The following LGALS8 variants were observed in gnomAD, a reference collection of about 807,000 sequenced individuals.
LGALS8 encodes galectin-8.
In LGALS8, 30 loss-of-function variants were observed where a neutral mutation model predicts 35.9. The observed-to-expected ratio is 0.83, with a 90% CI of 0.62 to 1.13. The LOEUF (loss-of-function observed/expected upper bound fraction) is 1.13, where lower values mean the gene tolerates loss of function less well. LGALS8 is among the 50% of genes most tolerant of loss of function. The pLI is 0.00. For synonymous variants in LGALS8, 138 were observed against 136.1 expected, an observed-to-expected ratio of 1.01 and a Z score of -0.10; for missense variants, 366 against 388.7, an observed-to-expected ratio of 0.94 and a Z score of 0.49.
At chr1:236,524,570 G>T in intron 1 of LGALS8, 1 of 380,480 alleles carries the variant, frequency 2.6e-6, no homozygotes, top group Non-Finnish European at 5.4e-6. Flanking sequence ...ATTGCAAAGC[G>T]CAAGTCATGT....
At position 236,550,845 on chromosome 1, in the gene LGALS8, A is replaced by C. The variant is rs1662696876; in HGVS notation, c.*2684A>C. 2 of 1,373,798 alleles carry C rather than the reference A, an allele frequency of 1.5e-6. No homozygotes were observed. The highest frequency in any genetic ancestry group is 4.7e-5 in the East Asian group (2 of 42,782). 85.1% of individuals were successfully genotyped at this position (1,373,798 alleles called of 1,614,324 possible). ...AACATGGCACCCAACACCCAAAAAT[A>C]AAAATATGAAATATGAGTGTGAACT... On this transcript the variant is annotated 3_prime_UTR_variant, in exon 10 of 10. Coordinates refer to ENST00000366584, the MANE Select transcript of LGALS8 (RefSeq NM_201544.4).
At chr1:236,544,604 C>T (rs867471214) in intron 8 of LGALS8, 146 bp from the exon 9 acceptor site, 1 of 506,702 alleles carries the variant, frequency 2.0e-6, no homozygotes, top group Non-Finnish European at 3.3e-6. Context: ...ATTTCAACTT[C>T]ACCTGCATTC....
chr1:236,532,810 C>T (rs1661223734), intron 2 of LGALS8, among the ~76,000 whole-genome samples: 1 of 152,156 alleles, frequency 6.6e-6, no homozygotes, highest in Non-Finnish European at 1.5e-5. Context: ...CGCCATTGCA[C>T]TCCAGCCTGG....
At chr1:236,534,040 C>T (rs1441817342) in intron 2 of LGALS8, among the ~76,000 whole-genome samples, 1 of 151,464 alleles carries the variant, frequency 6.6e-6, no homozygotes, top group East Asian at 1.9e-4. Context: ...CGGCTGCCCC[C>T]TTGCCAGAGT....
chr1:236,523,806 C>A (rs1431298792), upstream of LGALS8: 4 of 349,388 alleles, frequency 1.1e-5, no homozygotes, highest in East Asian at 3.1e-4. Flanking sequence ...TGCAGGAGGC[C>A]GAGCTGGGTG....
intron 2 of LGALS8, among the ~76,000 whole-genome samples, chr1:236,530,517 A>AT (rs949521882): frequency 3.3e-5 from 5 of 151,644 alleles, no homozygotes; most frequent in South Asian, 2.1e-4. Flanking sequence ...TCACTCATAG[A>AT]TTTTTTTTTC....
At chr1:236,546,223 AG>A in intron 9 of LGALS8, among the ~76,000 whole-genome samples, 1 of 152,386 alleles carries the variant, frequency 6.6e-6, no homozygotes, top group South Asian at 2.1e-4. Context: ...GGCTGGCTGA[AG>A]GAATGAATAG....
At chr1:236,523,965 C>G (rs532094345), upstream of LGALS8, 1 of 379,832 alleles carries the variant, frequency 2.6e-6, no homozygotes, top group East Asian at 7.3e-5. Context: ...TGTCGCTTCC[C>G]GTAGCCGCCC....
chr1:236,529,954 C>T (rs1390551541), intron 2 of LGALS8, among the ~76,000 whole-genome samples: 1 of 152,196 alleles, frequency 6.6e-6, no homozygotes, highest in Non-Finnish European at 1.5e-5. Flanking sequence ...TGGCTGGCCA[C>T]TTACTTTTCT....
chr1:236,529,581 C>CAA (rs767790332), intron 2 of LGALS8, among the ~76,000 whole-genome samples: 3 of 89,550 alleles, frequency 3.4e-5, no homozygotes, highest in Non-Finnish European at 6.6e-5. Flanking sequence ...TACTTCATCT[C>CAA]AAAAAAAAAA....
At chr1:236,529,492 G>A (rs899462936) in intron 2 of LGALS8, among the ~76,000 whole-genome samples, 8 of 150,342 alleles carry the variant, frequency 5.3e-5, no homozygotes, top group East Asian at 2.0e-4. Flanking sequence ...TGAGGCAGGA[G>A]AATCACTTGA....
chr1:236,539,689 G>A (rs1661833320), intron 4 of LGALS8, among the ~76,000 whole-genome samples: 1 of 152,228 alleles, frequency 6.6e-6, no homozygotes, highest in African/African-American at 2.4e-5. Flanking sequence ...CAACGCGAGA[G>A]AAGACTCGAA....
At chr1:236,537,085 C>G (rs374615764) in intron 2 of LGALS8, among the ~76,000 whole-genome samples, 93 of 145,842 alleles carry the variant, frequency 6.4e-4, no homozygotes, top group African/African-American at 1.9e-3. Context: ...GGCGCGATCT[C>G]GGCTCACTGC....
chr1:236,543,819 A>G (rs1662184001), intron 8 of LGALS8, among the ~76,000 whole-genome samples, 171 bp downstream of exon 8: 1 of 152,144 alleles, frequency 6.6e-6, no homozygotes, highest in Admixed American at 6.5e-5. Context: ...AGTGGGCAGC[A>G]GAGCCGACTA....
chr1:236,525,069 T>C (rs1282528353), intron 1 of LGALS8, among the ~76,000 whole-genome samples: 1 of 152,218 alleles, frequency 6.6e-6, no homozygotes, highest in African/African-American at 2.4e-5. Context: ...AGTGCTTTTA[T>C]CTTAAAAAAT....
chr1:236,551,160 C>T lies in LGALS8; in HGVS notation c.*2999C>T, dbSNP rs1356074416. 5.3e-6 allele frequency: 3 copies of T among 571,264 alleles called. No homozygotes were observed. The highest frequency in any genetic ancestry group is 2.4e-5 in the South Asian group (1 of 42,536). 35.4% of individuals were successfully genotyped at this position (571,264 alleles called of 1,614,324 possible). On this transcript the variant is annotated 3_prime_UTR_variant, in exon 10 of 10. Transcript: ENST00000366584. ...GCGCCACGGACCGCCTCCCTCCACA[C>T]CGCTCCTTCCGCCTTCATTCCTTGC...
chr1:236,519,722 T>C (rs1244049421), upstream of LGALS8, among the ~76,000 whole-genome samples: 2 of 152,166 alleles, frequency 1.3e-5, no homozygotes, highest in Non-Finnish European at 2.9e-5. Context: ...TCCTAAGTTC[T>C]AGCAGTTGCC....
chr1:236,540,295 C>A (rs1423377611), intron 4 of LGALS8: 4 of 336,834 alleles, frequency 1.2e-5, no homozygotes, highest in Non-Finnish European at 2.1e-5. Flanking sequence ...CAGAGGCGCA[C>A]ACAAGCACAC....
upstream of LGALS8, among the ~76,000 whole-genome samples, chr1:236,522,753 G>A (rs10925158): frequency 0.14 from 21,180 of 152,118 alleles, 1,895 homozygotes; most frequent in African/African-American, 0.26. Flanking sequence ...CCAAAAGACA[G>A]CTATAAATCC....
Sources: allele counts gnomAD v4.1 joint callset (sites outside exome capture counted in the v4.1 genomes callset), GRCh38; gene constraint gnomAD v4.1.1; transcripts MANE v1.5; gene names NCBI Gene and HGNC (gene_info 2026-07-23, HGNC 2026-07-21).